INPP5A: variants seen among roughly 807,000 people sequenced by gnomAD.
INPP5A encodes inositol polyphosphate-5-phosphatase A.
A neutral mutation model predicts 65.2 loss-of-function variants in INPP5A; 14 were observed. The observed-to-expected ratio is 0.21, with a 90% CI of 0.14 to 0.34. The LOEUF (loss-of-function observed/expected upper bound fraction) is 0.34, where lower values mean the gene tolerates loss of function less well. INPP5A is among the 10% of genes least tolerant of loss of function. The pLI, the probability that INPP5A is intolerant of heterozygous loss-of-function variation, is 1.00. For missense variants in INPP5A, 431 were observed against 545.6 expected (o/e 0.79, Z 2.09); for synonymous variants, 207 against 208.3 (o/e 0.99, Z 0.05).
At position 132,627,115 on chromosome 10, in the gene INPP5A, G is replaced by T. The variant is rs180937588; in HGVS notation, c.118-18753G>T. On this transcript the variant is annotated intron_variant, in intron 2 of 15. Coordinates refer to ENST00000368594, the MANE Select transcript of INPP5A (RefSeq NM_005539.5). This position sits in a 1 kb window ranked among gnomAD's most constrained non-coding sequence, Gnocchi z 6.6. ...CGGGATCAGGCTCTCTCCACAGGGC[G>T]CAGAGGCAGCTCTGTGAGCCAGGAA... is the stretch of plus-strand genomic sequence containing the variant. Among the ~76,000 whole-genome samples the T allele has an allele frequency of 6.6e-6, 1 of 151,910 alleles. No homozygotes were observed. Among genetic ancestry groups the T allele is most frequent in the Admixed American group, 6.5e-5 (1 of 15,268 alleles).
intron 9 of INPP5A, among the ~76,000 whole-genome samples, chr10:132,734,147 G>A (rs1272791001): frequency 6.6e-6 from 1 of 152,220 alleles, no homozygotes; most frequent in Non-Finnish European, 1.5e-5. Flanking sequence ...CAGCCTCCAG[G>A]GATGCATCGC....
chr10:132,759,876 C>T (rs1403420157), intron 11 of INPP5A, among the ~76,000 whole-genome samples: 2 of 152,164 alleles, frequency 1.3e-5, no homozygotes, highest in East Asian at 1.9e-4. Context: ...TGTTCACGTG[C>T]CCCTTGATGC....
intron 9 of INPP5A, among the ~76,000 whole-genome samples, chr10:132,746,213 A>G (rs1332604854): frequency 6.6e-6 from 1 of 152,240 alleles, no homozygotes; most frequent in Non-Finnish European, 1.5e-5. Flanking sequence ...TGGAGGCTAC[A>G]GCCAGCGAGG....
At chr10:132,633,184 T>G (rs971490751) in intron 2 of INPP5A, among the ~76,000 whole-genome samples, 24 of 152,182 alleles carry the variant, frequency 1.6e-4, no homozygotes, top group African/African-American at 5.8e-4. Context: ...GCTTCAGTAG[T>G]GAGCTCCCGG....
At chr10:132,677,702 G>A (rs1314217184) in intron 4 of INPP5A, among the ~76,000 whole-genome samples, 2 of 152,230 alleles carry the variant, frequency 1.3e-5, no homozygotes, top group African/African-American at 2.4e-5. Context: ...CGTGGCCAGC[G>A]AGGGCGATTA....
chr10:132,617,082 T>C (rs1442397504), intron 2 of INPP5A, among the ~76,000 whole-genome samples: 1 of 152,116 alleles, frequency 6.6e-6, no homozygotes, highest in East Asian at 1.9e-4. Flanking sequence ...TTCTGCAGGC[T>C]CTCTCTCCCT....
At chr10:132,666,054 CAAA>C (rs5789135) in intron 4 of INPP5A, among the ~76,000 whole-genome samples, 9 of 136,172 alleles carry the variant, frequency 6.6e-5, no homozygotes, top group Non-Finnish European at 9.4e-5. Flanking sequence ...GATCCTGTCT[CAAA>C]AAAAAAAAAA....
chr10:132,611,242 T>G (rs1030325149), intron 2 of INPP5A, among the ~76,000 whole-genome samples: 14 of 52,860 alleles, frequency 2.6e-4, no homozygotes, highest in Admixed American at 7.2e-4. Flanking sequence ...ATGAGGGAGG[T>G]GAGGTGGGCA....
chr10:132,646,626 C>T (rs1297288523), intron 3 of INPP5A, among the ~76,000 whole-genome samples: 2 of 152,206 alleles, frequency 1.3e-5, no homozygotes, highest in East Asian at 3.8e-4. Context: ...GTGTCCCCTA[C>T]AGTGTGGCCT....
rs1020804241 is a variant in INPP5A, at chr10:132,578,419, C to A, written c.76-29496C>A. On this transcript the variant is annotated intron_variant, in intron 1 of 15. Coordinates refer to ENST00000368594, the MANE Select transcript of INPP5A (RefSeq NM_005539.5). ...CATTCAGTGCCCACTCTGCATGCCG[C>A]CCCCGTGCCAGTCCCCGGCAGGTGA... is the stretch of plus-strand genomic sequence containing the variant. Among the ~76,000 whole-genome samples, 10 of 150,984 alleles carry A rather than the reference C, an allele frequency of 6.6e-5. No homozygotes were observed. In the Admixed American group the frequency reaches 6.7e-4, roughly 10 times the overall value.
At chr10:132,664,715 G>A (rs1375452647) in intron 4 of INPP5A, among the ~76,000 whole-genome samples, 1 of 152,226 alleles carries the variant, frequency 6.6e-6, no homozygotes. Context: ...ATTTTCATGA[G>A]TGCACCTTGC....
intron 4 of INPP5A, among the ~76,000 whole-genome samples, chr10:132,686,893 G>A (rs1208225679): frequency 6.6e-6 from 1 of 152,232 alleles, no homozygotes; most frequent in African/African-American, 2.4e-5. Context: ...TCTTAACTCT[G>A]TGCTGAAACT....
rs2133249309 is a variant in INPP5A at position 132,547,864 on chromosome 10, C to G, written c.75+9693C>G. 6.6e-6 allele frequency among the ~76,000 whole-genome samples: 1 copy of G among 152,116 alleles called. No individual in the cohort carries two copies. The highest frequency in any genetic ancestry group is 1.9e-4 in the East Asian group (1 of 5,168). The stretch of plus-strand genomic sequence containing the variant: ...TGGCGTCACACTCAGGTGTGCTGGC[C>G]TTTGGCAGCAGCGTCTGGGGTGGGG... On this transcript the variant is annotated intron_variant, in intron 1 of 15. Transcript: ENST00000368594. This position sits in a 1 kb window ranked among gnomAD's most constrained non-coding sequence, Gnocchi z 5.5.
intron 2 of INPP5A, among the ~76,000 whole-genome samples, chr10:132,645,576 T>A (rs1313816973): frequency 2.0e-5 from 3 of 152,222 alleles, no homozygotes; most frequent in African/African-American, 4.8e-5. Context: ...AACATTTTTT[T>A]AACTAGAAAT....
In INPP5A at chr10:132,546,872, C is replaced by T. The variant is rs1370347196; in HGVS notation, c.75+8701C>T. Among the ~76,000 whole-genome samples the T allele has an allele frequency of 6.6e-6, 1 of 152,188 alleles. No homozygotes were observed. Among genetic ancestry groups the T allele is most frequent in the East Asian group, 1.9e-4 (1 of 5,194 alleles). ...GCCCTGCTTTTGGTCCTGTAGGCACCAGGACTGCACTCTGGCAGGGGCAGA... is the reference window on the plus strand; with the variant it reads ...GCCCTGCTTTTGGTCCTGTAGGCACTAGGACTGCACTCTGGCAGGGGCAGA... On this transcript the variant is annotated intron_variant, in intron 1 of 15. Transcript: ENST00000368594. This position sits in a 1 kb window ranked among gnomAD's most constrained non-coding sequence, Gnocchi z 5.7.
chr10:132,717,921 G>T (rs1461283365), intron 8 of INPP5A, among the ~76,000 whole-genome samples: 15 of 135,176 alleles, frequency 1.1e-4, no homozygotes, highest in African/African-American at 4.3e-4. Context: ...CCTGGGTTCT[G>T]TCTGGGCACC....
intron 4 of INPP5A, among the ~76,000 whole-genome samples, chr10:132,664,195 C>T (rs926754993): frequency 2.0e-4 from 30 of 152,228 alleles, no homozygotes; most frequent in Admixed American, 2.6e-4. Flanking sequence ...CCTTGCTCTG[C>T]CTGGCTTTCT....
At chr10:132,597,476 C>T (rs1355435005) in intron 1 of INPP5A, among the ~76,000 whole-genome samples, 1 of 152,134 alleles carries the variant, frequency 6.6e-6, no homozygotes, top group African/African-American at 2.4e-5. Context: ...AAATTTGAGT[C>T]ACATATTAGG....
chr10:132,623,168 A>G (rs2133362778), intron 2 of INPP5A, among the ~76,000 whole-genome samples: 1 of 152,360 alleles, frequency 6.6e-6, no homozygotes, highest in Admixed American at 6.5e-5. Context: ...CAGGAAAGCA[A>G]AAGAACTAGA....
Sources: allele counts gnomAD v4.1 joint callset (sites outside exome capture counted in the v4.1 genomes callset), GRCh38; gene constraint gnomAD v4.1.1; non-coding constraint Gnocchi (gnomAD v3.1); transcripts MANE v1.5; gene names NCBI Gene and HGNC (gene_info 2026-07-23, HGNC 2026-07-21).